Variants in ABCG2 observed in about 807,000 individuals in gnomAD.
ABCG2 encodes ATP binding cassette subfamily G member 2 (JR blood group), also known as broad substrate specificity ATP-binding cassette transporter ABCG2.
A neutral mutation model predicts 73.5 loss-of-function variants in ABCG2; 80 were observed. The ratio of observed to expected loss-of-function variants is 1.09; its 90% CI spans 0.91 to 1.31. ABCG2 has a LOEUF of 1.31. Among genes scored for constraint, ABCG2 ranks in the 50% most tolerant of loss-of-function variants. The pLI is 0.00. For synonymous variants in ABCG2, 269 were observed against 282.4 expected (o/e 0.95, Z 0.48); for missense variants, 796 against 786.2 (o/e 1.01, Z -0.15).
At chr4:88,196,763 G>A (rs1442310782) in intron 1 of ABCG2, among the ~76,000 whole-genome samples, 1 of 149,184 alleles carries the variant, frequency 6.7e-6, no homozygotes, top group Non-Finnish European at 1.5e-5. Flanking sequence ...GGAACTTTAT[G>A]ATGCTCTTAC....
chr4:88,214,824 A>G (rs1413844180), intron 1 of ABCG2, among the ~76,000 whole-genome samples: 3 of 147,424 alleles, frequency 2.0e-5, no homozygotes, highest in East Asian at 4.0e-4. Context: ...AGGTCTTGCT[A>G]TGTTGCCTAG....
intron 1 of ABCG2, among the ~76,000 whole-genome samples, chr4:88,174,012 T>C (rs577233889): frequency 1.3e-5 from 2 of 152,296 alleles, no homozygotes; most frequent in South Asian, 4.1e-4. Flanking sequence ...TGGACAGCAG[T>C]GTGTCCTTGA....
chr4:88,228,481 G>T (rs1730317649), intron 1 of ABCG2, among the ~76,000 whole-genome samples: 2 of 152,204 alleles, frequency 1.3e-5, no homozygotes. Context: ...ATCCGCTGTT[G>T]GGTGGGCTGA....
At chr4:88,177,186 T>C (rs937784540) in intron 1 of ABCG2, among the ~76,000 whole-genome samples, 10 of 151,564 alleles carry the variant, frequency 6.6e-5, no homozygotes, top group African/African-American at 2.4e-5. Flanking sequence ...TTCTGGCTAA[T>C]ACGGTGAAAC....
upstream of ABCG2, chr4:88,158,881 T>G (rs1004075922): frequency 8.9e-6 from 3 of 335,600 alleles, no homozygotes; most frequent in African/African-American, 7.0e-5. Context: ...AAGCCGCGCT[T>G]CGGGCTGTGG....
At chr4:88,119,914 A>C (rs1231194770) in intron 6 of ABCG2, among the ~76,000 whole-genome samples, 1 of 152,260 alleles carries the variant, frequency 6.6e-6, no homozygotes, top group Non-Finnish European at 1.5e-5. Context: ...CCTGCTACAG[A>C]AATTTGCATA....
chr4:88,123,644 C>T (rs907147195), intron 5 of ABCG2, among the ~76,000 whole-genome samples: 3 of 151,998 alleles, frequency 2.0e-5, no homozygotes, highest in Admixed American at 6.6e-5. Flanking sequence ...CAAACAAAGC[C>T]TTCAAGAAAT....
chr4:88,189,910 A>C (rs370270644), intron 1 of ABCG2, among the ~76,000 whole-genome samples: 1 of 152,184 alleles, frequency 6.6e-6, no homozygotes, highest in East Asian at 1.9e-4. Context: ...GTTTCCTTCT[A>C]TTCCTATTTA....
intron 1 of ABCG2, 32 bp downstream of exon 1, chr4:88,158,354 T>G: frequency 2.7e-6 from 1 of 364,450 alleles, no homozygotes; most frequent in South Asian, 2.0e-5. Context: ...AGACACACAC[T>G]CTCAGCGAAA....
At chr4:88,203,252 AG>A (rs1729250115) in intron 1 of ABCG2, among the ~76,000 whole-genome samples, 1 of 152,128 alleles carries the variant, frequency 6.6e-6, no homozygotes, top group Non-Finnish European at 1.5e-5. Context: ...GAAAGAACTG[AG>A]GGAAAGACCA....
chr4:88,180,358 C>T (rs546500458), intron 1 of ABCG2, among the ~76,000 whole-genome samples: 2 of 152,226 alleles, frequency 1.3e-5, no homozygotes, highest in African/African-American at 2.4e-5. Flanking sequence ...ATAAAGACTT[C>T]CCCAGATAAA....
intron 3 of ABCG2, among the ~76,000 whole-genome samples, chr4:88,132,171 A>G (rs1472305464): frequency 6.6e-6 from 1 of 152,224 alleles, no homozygotes; most frequent in Non-Finnish European, 1.5e-5. Context: ...CCATTGGCTG[A>G]TCAAGTACAG....
intron 7 of ABCG2, among the ~76,000 whole-genome samples, chr4:88,115,553 G>C (rs964841418): frequency 2.7e-5 from 4 of 149,818 alleles, no homozygotes; most frequent in Non-Finnish European, 5.9e-5. Flanking sequence ...CAAAGTGCTG[G>C]GATTACAGGC....
At chr4:88,099,239 C>A (rs1333700642) in intron 12 of ABCG2, 85 bp downstream of exon 12, 4 of 1,347,830 alleles carry the variant, frequency 3.0e-6, no homozygotes, top group Non-Finnish European at 3.9e-6. Flanking sequence ...GTTTTGAGAA[C>A]CAAAAATATG....
chr4:88,173,985 C>T (rs1727857282), intron 1 of ABCG2, among the ~76,000 whole-genome samples: 1 of 152,088 alleles, frequency 6.6e-6, no homozygotes, highest in Non-Finnish European at 1.5e-5. Flanking sequence ...CTCTTATTTC[C>T]CCCTTACAGT....
Position 88,118,259 on chromosome 4 carries a change from T to G in ABCG2, c.691A>C (p.Met231Leu), listed in dbSNP as rs745653006. Residue 231 changes from methionine to leucine, a missense_variant and splice_region_variant, in exon 7 of 16, where the codon ATG becomes CTG. Met to Leu is a conservative substitution (Grantham distance 15). Coordinates refer to ENST00000237612, the MANE Select transcript of ABCG2 (RefSeq NM_004827.3). ...ATGATTGTTCGTCCCTGCTTAGACA[T>G]CCTAAGTTAAAAGTGAGACAATACT... ...ANAVLLLLKR[M>L]SKQGRTIIFS... 6.2e-7 allele frequency: 1 copy of G among 1,613,714 alleles called. No homozygotes were observed. The highest frequency in any genetic ancestry group is 1.3e-5 in the African/African-American group (1 of 75,038).
At chr4:88,181,338 T>C (rs1475816285) in intron 1 of ABCG2, among the ~76,000 whole-genome samples, 1 of 140,650 alleles carries the variant, frequency 7.1e-6, no homozygotes, top group African/African-American at 2.7e-5. Context: ...AGGCAGAGGT[T>C]GCAGTGAGCC....
intron 1 of ABCG2, among the ~76,000 whole-genome samples, chr4:88,164,780 G>A (rs1002767850): frequency 7.2e-5 from 11 of 152,016 alleles, no homozygotes; most frequent in Non-Finnish European, 1.6e-4. Context: ...TTTTGTTGTT[G>A]TTGTTGTTTG....
intron 12 of ABCG2, 57 bp from the exon 13 acceptor site, chr4:88,097,664 G>A: frequency 6.4e-7 from 1 of 1,556,058 alleles, no homozygotes; most frequent in Non-Finnish European, 8.7e-7. Flanking sequence ...CGTATGTTTG[G>A]GATTGCTTAT....
Sources: allele counts gnomAD v4.1 joint callset (sites outside exome capture counted in the v4.1 genomes callset), GRCh38; gene constraint gnomAD v4.1.1; transcripts MANE v1.5; gene names NCBI Gene and HGNC (gene_info 2026-07-23, HGNC 2026-07-21).